The following RBFOX1 variants were observed in gnomAD, a reference collection of about 807,000 sequenced individuals.
RBFOX1 encodes the protein RNA binding fox-1 homolog 1.
A neutral mutation model predicts 57.7 loss-of-function variants in RBFOX1; 8 were observed. That is an observed-to-expected ratio of 0.14 (90% confidence interval 0.08 to 0.25). RBFOX1 has a LOEUF of 0.25. Ranked by LOEUF, RBFOX1 falls within the 10% of genes least tolerant of loss-of-function variation. The pLI is 1.00. For missense variants in RBFOX1, 611 were observed against 548.5 expected, an observed-to-expected ratio of 1.11 and a Z score of -1.14; for synonymous variants, 326 against 222.4, an observed-to-expected ratio of 1.47 and a Z score of -4.15.
chr16:5,999,792 C>G (rs999863536), intron 4 of RBFOX1, among the ~76,000 whole-genome samples: 1 of 130,624 alleles, frequency 7.7e-6, no homozygotes, highest in African/African-American at 2.8e-5. Context: ...ACCTGGGAGG[C>G]GGAGCTTGTG....
chr16:7,200,804 T>G (rs2088182259), intron 4 of RBFOX1, among the ~76,000 whole-genome samples: 1 of 152,176 alleles, frequency 6.6e-6, no homozygotes, highest in South Asian at 2.1e-4. Context: ...TAACTCATCG[T>G]GATGAAAACA....
chr16:6,818,311 A>T (rs1007920135), intron 3 of RBFOX1, among the ~76,000 whole-genome samples: 7 of 152,112 alleles, frequency 4.6e-5, no homozygotes, highest in African/African-American at 7.2e-5. Flanking sequence ...TTACTATGAG[A>T]ATCATGGTTT....
At chr16:6,251,948 A>G (rs1274336036) in intron 1 of RBFOX1, among the ~76,000 whole-genome samples, 10 of 152,042 alleles carry the variant, frequency 6.6e-5, no homozygotes, top group African/African-American at 2.4e-4. Context: ...CGAACTCATT[A>G]TTTCTGATCC....
chr16:6,017,073 T>A (rs979304377), upstream of RBFOX1, among the ~76,000 whole-genome samples: 3 of 152,210 alleles, frequency 2.0e-5, no homozygotes, highest in Admixed American at 2.0e-4. Flanking sequence ...TGAACTTGAT[T>A]TTCAGATAGA....
intron 3 of RBFOX1, among the ~76,000 whole-genome samples, chr16:6,982,328 C>T (rs1311013697): frequency 6.6e-6 from 1 of 152,140 alleles, no homozygotes; most frequent in African/African-American, 2.4e-5. Context: ...AACCCATTCC[C>T]ATTGTTGGCC....
intron 3 of RBFOX1, among the ~76,000 whole-genome samples, chr16:6,904,168 G>A (rs549037719): frequency 6.6e-6 from 1 of 152,302 alleles, no homozygotes; most frequent in African/African-American, 2.4e-5. Context: ...AAAGCTCTGT[G>A]TCTGTGTGTG....
intron 3 of RBFOX1, among the ~76,000 whole-genome samples, chr16:7,025,287 G>T (rs751304357): frequency 1.3e-5 from 2 of 152,182 alleles, no homozygotes; most frequent in South Asian, 2.1e-4. Flanking sequence ...CTATCATGGC[G>T]CTCGTGAGTA....
intron 3 of RBFOX1, among the ~76,000 whole-genome samples, chr16:6,925,808 C>A (rs1229998327): frequency 1.3e-5 from 2 of 151,890 alleles, no homozygotes; most frequent in East Asian, 3.9e-4. Context: ...TAAAATAAGC[C>A]TGGCGAAATT....
intron 4 of RBFOX1, among the ~76,000 whole-genome samples, chr16:7,465,927 A>G (rs977552731): frequency 6.6e-6 from 1 of 152,178 alleles, no homozygotes; most frequent in Admixed American, 6.5e-5. Flanking sequence ...TCTCTAAGCA[A>G]TTTTGTTGCT....
intron 1 of RBFOX1, among the ~76,000 whole-genome samples, chr16:6,249,052 A>C (rs2097585981): frequency 6.6e-6 from 1 of 152,156 alleles, no homozygotes; most frequent in Non-Finnish European, 1.5e-5. Context: ...TGATCATTAT[A>C]CATTTTGAGA....
chr16:7,386,590 G>C (rs8044013), intron 4 of RBFOX1, among the ~76,000 whole-genome samples: 12,347 of 152,156 alleles, frequency 0.081, 540 homozygotes, highest in East Asian at 0.2. Flanking sequence ...ATTCCATGGT[G>C]TATATGTGCC....
chr16:7,423,852 G>T (rs1480566877), intron 4 of RBFOX1, among the ~76,000 whole-genome samples: 1 of 152,126 alleles, frequency 6.6e-6, no homozygotes, highest in East Asian at 1.9e-4. Context: ...AAGGGTGGAG[G>T]TGGCGCCATG....
rs886519275 is a variant in RBFOX1 at position 6,786,506 on chromosome 16, A to G, written c.-16+131856A>G. Among the ~76,000 whole-genome samples the G allele has an allele frequency of 3.3e-5, 5 of 152,200 alleles. No individual in the cohort carries two copies. The South Asian group carries it at 6.2e-4, about 19-fold the overall frequency. The stretch of plus-strand genomic sequence containing the variant: ...GCTGTGTAGCCCCTTAAAAGACTGT[A>G]GCTGTGAACATTTCAGACAGAGTTC... On this transcript the variant is annotated intron_variant, in intron 3 of 15. Transcript: ENST00000550418.
At chr16:6,728,551 A>C (rs2067781126) in intron 3 of RBFOX1, among the ~76,000 whole-genome samples, 1 of 152,196 alleles carries the variant, frequency 6.6e-6, no homozygotes, top group Non-Finnish European at 1.5e-5. Flanking sequence ...CAAACAGCTC[A>C]TTATCCCCCA....
At chr16:5,592,550 G>T (rs750435068) in intron 2 of RBFOX1, among the ~76,000 whole-genome samples, 2 of 151,924 alleles carry the variant, frequency 1.3e-5, no homozygotes, top group Non-Finnish European at 2.9e-5. Flanking sequence ...CCCGGTAGCT[G>T]GGATTACAGA....
intron 4 of RBFOX1, among the ~76,000 whole-genome samples, chr16:5,999,920 G>A (rs2060566180): frequency 2.3e-5 from 3 of 131,000 alleles, no homozygotes; most frequent in African/African-American, 5.5e-5. Context: ...GTGAAGAAGG[G>A]AAATCAGACA....
At chr16:7,409,513 C>T (rs1275113027) in intron 4 of RBFOX1, among the ~76,000 whole-genome samples, 1 of 152,170 alleles carries the variant, frequency 6.6e-6, no homozygotes, top group African/African-American at 2.4e-5. Flanking sequence ...AAAGCTGTTG[C>T]CAGTTGTTCC....
intron 3 of RBFOX1, among the ~76,000 whole-genome samples, chr16:5,801,947 T>G (rs546267776): frequency 1.8e-4 from 27 of 152,028 alleles, no homozygotes; most frequent in Non-Finnish European, 4.0e-4. Context: ...CCCCGGAGGG[T>G]TGGACGTGTG....
chr16:6,903,299 G>A (rs544023378), intron 3 of RBFOX1, among the ~76,000 whole-genome samples: 5 of 152,178 alleles, frequency 3.3e-5, no homozygotes, highest in African/African-American at 1.2e-4. Context: ...ACCGTTCCTA[G>A]AGAGGTCAGC....
Sources: gnomAD v4.1 joint callset for allele counts (sites outside exome capture counted in the v4.1 genomes callset) on GRCh38, gnomAD v4.1.1 for gene constraint, MANE v1.5 for transcripts, NCBI Gene and HGNC (gene_info 2026-07-23, HGNC 2026-07-21) for gene names.